Variants in GAB2 observed in about 807,000 individuals in gnomAD.
GAB2 encodes the protein GRB2-associated-binding protein 2.
A neutral mutation model predicts 65.5 loss-of-function variants in GAB2; 26 were observed. The ratio of observed to expected loss-of-function variants is 0.40; its 90% CI spans 0.29 to 0.55. The LOEUF (loss-of-function observed/expected upper bound fraction) is 0.55, where lower values mean the gene tolerates loss of function less well. Ranked by LOEUF, GAB2 falls within the 20% of genes least tolerant of loss-of-function variation. The pLI is 0.53. For missense variants in GAB2, 884 were observed against 875.8 expected (o/e 1.01, Z -0.12); for synonymous variants, 321 against 329.6 (o/e 0.97, Z 0.28).
At chr11:78,335,624 T>G (rs1303391395) in intron 1 of GAB2, among the ~76,000 whole-genome samples, 1 of 152,230 alleles carries the variant, frequency 6.6e-6, no homozygotes, top group Non-Finnish European at 1.5e-5. Context: ...GCCAGTACCA[T>G]GCTGTTTTGG....
chr11:78,358,007 G>A (rs1856382129), intron 1 of GAB2, among the ~76,000 whole-genome samples: 1 of 152,144 alleles, frequency 6.6e-6, no homozygotes, highest in Non-Finnish European at 1.5e-5. Flanking sequence ...TATGTTTATT[G>A]CGGCACTATT....
Position 78,253,004 on chromosome 11 carries a change from C to CTTTTTTTTTTTTTT in GAB2, c.377-2618_377-2605dup, listed in dbSNP as rs984989129. On this transcript the variant is annotated intron_variant, in intron 2 of 9. Coordinates refer to ENST00000361507, the MANE Select transcript of GAB2 (RefSeq NM_080491.3). ...CTCAGATGACTTACAAATATCTTTC[C>CTTTTTTTTTTTTTT]TTTTTTTTTTTTTTTTTTTTTTGTG... 3.7e-5 allele frequency among the ~76,000 whole-genome samples: 4 copies of CTTTTTTTTTTTTTT among 106,948 alleles called. 1 individual carries two copies. The highest frequency in any genetic ancestry group is 3.0e-4 in the East Asian group (1 of 3,346). 70.2% of individuals were successfully genotyped at this position (106,948 alleles called of 152,430 possible).
intron 3 of GAB2, among the ~76,000 whole-genome samples, chr11:78,228,534 T>A (rs916363091): frequency 2.0e-5 from 3 of 152,152 alleles, no homozygotes; most frequent in Admixed American, 6.5e-5. Flanking sequence ...CTCTCTCAGC[T>A]CCTGAGGAGT....
At chr11:78,410,423 G>C (rs934072043) in intron 1 of GAB2, among the ~76,000 whole-genome samples, 1 of 152,242 alleles carries the variant, frequency 6.6e-6, no homozygotes, top group Non-Finnish European at 1.5e-5. Flanking sequence ...AGAACTGCTG[G>C]AACCTGGGAG....
At position 78,336,358 on chromosome 11, in the gene GAB2, A is replaced by C. The variant is rs1479167141; in HGVS notation, c.76-55457T>G. 6.2e-5 allele frequency among the ~76,000 whole-genome samples: 9 copies of C among 144,728 alleles called. 1 individual carries two copies. The highest frequency in any genetic ancestry group is 1.0e-4 in the African/African-American group (4 of 38,216). The allele number at this position is 144,728 out of a possible 152,430, so 94.9% of individuals were successfully genotyped here. On this transcript the variant is annotated intron_variant, in intron 1 of 9. Transcript: ENST00000361507. ...AAAAAAAAAAAAAAAAAAAAAAAAA[A>C]AAAACACAACAAGAATTATTTCCCA... is the stretch of plus-strand genomic sequence containing the variant.
intron 1 of GAB2, among the ~76,000 whole-genome samples, chr11:78,414,872 G>GT (rs1181386322): frequency 3.9e-5 from 6 of 152,078 alleles, no homozygotes; most frequent in Non-Finnish European, 7.4e-5. Context: ...AATTAAGTAA[G>GT]TTTTTTTGTT....
At chr11:78,259,581 G>A (rs1054142885) in intron 2 of GAB2, among the ~76,000 whole-genome samples, 8 of 151,878 alleles carry the variant, frequency 5.3e-5, no homozygotes, top group Non-Finnish European at 1.2e-4. Context: ...AAGTCTCAAA[G>A]GCCTTTGGCA....
Position 78,264,516 on chromosome 11 carries a change from G to A in GAB2, c.377-14116C>T, listed in dbSNP as rs140911427. ...CCCAGATTCAAGTGATTTTCCTGCCGCAGCCTCCTGAGTAGCTGGGACTAC... is the reference window on the plus strand; with the variant it reads ...CCCAGATTCAAGTGATTTTCCTGCCACAGCCTCCTGAGTAGCTGGGACTAC... On this transcript the variant is annotated intron_variant, in intron 2 of 9. Coordinates refer to ENST00000361507, the MANE Select transcript of GAB2 (RefSeq NM_080491.3). Among the ~76,000 whole-genome samples, 950 of 151,522 alleles carry A rather than the reference G, an allele frequency of 6.3e-3. 10 individuals carry two copies. The highest frequency in any genetic ancestry group is 0.022 in the African/African-American group (893 of 41,326).
chr11:78,221,830 A>G (rs1229908419), intron 7 of GAB2, 51 bp from the exon 8 acceptor site: 1 of 1,318,516 alleles, frequency 7.6e-7, no homozygotes, highest in Non-Finnish European at 1.1e-6. Flanking sequence ...GGCTGCTGCC[A>G]TGTTTCTAGC....
intron 3 of GAB2, among the ~76,000 whole-genome samples, chr11:78,249,918 A>G (rs1275214957): frequency 4.0e-5 from 6 of 151,710 alleles, no homozygotes; most frequent in African/African-American, 1.5e-4. Flanking sequence ...AACATTTTTT[A>G]TAGCATGATT....
chr11:78,310,793 G>GCAAA (rs1855484010), intron 1 of GAB2, among the ~76,000 whole-genome samples: 1 of 152,154 alleles, frequency 6.6e-6, no homozygotes, highest in African/African-American at 2.4e-5. Context: ...GTGGGAAAGA[G>GCAAA]CAAAGTTCAT....
intron 1 of GAB2, among the ~76,000 whole-genome samples, chr11:78,382,957 T>G (rs1170809877): frequency 6.6e-6 from 1 of 152,246 alleles, no homozygotes; most frequent in African/African-American, 2.4e-5. Flanking sequence ...ACACATTTAG[T>G]CTATCCTTTG....
At chr11:78,285,458 C>T (rs939870739) in intron 1 of GAB2, among the ~76,000 whole-genome samples, 10 of 151,842 alleles carry the variant, frequency 6.6e-5, no homozygotes, top group African/African-American at 2.4e-4. Context: ...CACCACAACA[C>T]CTTCTCTCCA....
chr11:78,362,763 A>G (rs550962413), intron 1 of GAB2, among the ~76,000 whole-genome samples: 5 of 152,332 alleles, frequency 3.3e-5, no homozygotes, highest in African/African-American at 1.2e-4. Context: ...GTAGGTTGAA[A>G]TCAAAGGATG....
At chr11:78,222,278 G>T in intron 6 of GAB2, 83 bp from the exon 7 acceptor site, 1 of 865,132 alleles carries the variant, frequency 1.2e-6, no homozygotes, top group Non-Finnish European at 2.0e-6. Flanking sequence ...ACATGAGCAT[G>T]TTTATAAAGG....
At chr11:78,228,211 A>G (rs1329702014) in intron 3 of GAB2, among the ~76,000 whole-genome samples, 1 of 152,184 alleles carries the variant, frequency 6.6e-6, no homozygotes, top group African/African-American at 2.4e-5. Flanking sequence ...GTGGTTTTCA[A>G]ACTAGATTCC....
intron 1 of GAB2, among the ~76,000 whole-genome samples, chr11:78,365,778 C>T (rs1286275686): frequency 6.6e-6 from 1 of 152,192 alleles, no homozygotes; most frequent in Non-Finnish European, 1.5e-5. Flanking sequence ...AAAAAGCCTT[C>T]ATCCAAAAAT....
chr11:78,390,825 C>A (rs1458777869), intron 1 of GAB2, among the ~76,000 whole-genome samples: 1 of 152,186 alleles, frequency 6.6e-6, no homozygotes, highest in African/African-American at 2.4e-5. Flanking sequence ...CACACAGATA[C>A]ATAGTAAGCA....
chr11:78,336,663 A>G (rs893462823), intron 1 of GAB2, among the ~76,000 whole-genome samples: 11 of 152,270 alleles, frequency 7.2e-5, no homozygotes, highest in African/African-American at 2.4e-4. Flanking sequence ...TGTTTTGTCT[A>G]TGGATGTCTA....
Sources: gnomAD v4.1 joint callset for allele counts (sites outside exome capture counted in the v4.1 genomes callset) on GRCh38, gnomAD v4.1.1 for gene constraint, MANE v1.5 for transcripts, NCBI Gene and HGNC (gene_info 2026-07-23, HGNC 2026-07-21) for gene names.